ZMIZ1: variants seen among roughly 807,000 people sequenced by gnomAD.
ZMIZ1 encodes zinc finger MIZ-type containing 1.
In ZMIZ1, 17 loss-of-function variants were observed where a neutral mutation model predicts 113.9. That is an observed-to-expected ratio of 0.15 (90% CI 0.10 to 0.22). The LOEUF (loss-of-function observed/expected upper bound fraction) is 0.22. ZMIZ1 is among the 10% of genes least tolerant of loss of function. ZMIZ1 has a pLI of 1.00. For missense variants in ZMIZ1, 1,059 were observed against 1,477.8 expected, an observed-to-expected ratio of 0.72 and a Z score of 4.65; for synonymous variants, 607 against 603.1, an observed-to-expected ratio of 1.01 and a Z score of -0.09.
chr10:79,120,711 A>G (rs1844254717), intron 2 of ZMIZ1, among the ~76,000 whole-genome samples: 1 of 152,198 alleles, frequency 6.6e-6, no homozygotes, highest in South Asian at 2.1e-4. Context: ...CAGGGCTTCA[A>G]CAAATTGAAG....
chr10:79,075,894 C>G (rs1842457837), intron 1 of ZMIZ1, among the ~76,000 whole-genome samples: 1 of 152,228 alleles, frequency 6.6e-6, no homozygotes, highest in Non-Finnish European at 1.5e-5. Flanking sequence ...GATCTGTCCT[C>G]TCTCCCCGCA....
At chr10:79,104,009 A>G (rs1843465148) in intron 1 of ZMIZ1, among the ~76,000 whole-genome samples, 2 of 152,222 alleles carry the variant, frequency 1.3e-5, no homozygotes, top group Non-Finnish European at 1.5e-5. Flanking sequence ...ACTAGCAACT[A>G]TGAACTAGTC....
In ZMIZ1 at chr10:79,313,002, C is replaced by T. The variant is rs1855299832; in HGVS notation, c.*253C>T. On this transcript the variant is annotated 3_prime_UTR_variant, in exon 25 of 25. Coordinates refer to ENST00000334512, the MANE Select transcript of ZMIZ1 (RefSeq NM_020338.4). ...ACCCTTGGCTTGGGCCCATGCCCAGCGCAGGCCTGAAGACCACCCTCCCGA... is the reference window on the plus strand; with the variant it reads ...ACCCTTGGCTTGGGCCCATGCCCAGTGCAGGCCTGAAGACCACCCTCCCGA... 1.9e-5 allele frequency: 10 copies of T among 526,546 alleles called. No individual in the cohort carries two copies. The highest frequency in any genetic ancestry group is 1.2e-4 in the South Asian group (5 of 43,286). The allele number at this position is 526,546 out of a possible 1,614,324, so 32.6% of individuals were successfully genotyped here.
intron 4 of ZMIZ1, among the ~76,000 whole-genome samples, chr10:79,195,573 G>A (rs1025173972): frequency 1.3e-5 from 2 of 152,254 alleles, no homozygotes; most frequent in Admixed American, 1.3e-4. Flanking sequence ...GCCCGGAGGC[G>A]GAGGCAGCGG....
chr10:79,299,284 G>T, intron 16 of ZMIZ1, 93 bp downstream of exon 16: 2 of 1,492,690 alleles, frequency 1.3e-6, no homozygotes, highest in Non-Finnish European at 1.8e-6. Flanking sequence ...TGGGCAGGGG[G>T]TAGCAGCATC....
At chr10:79,114,506 C>CGCGT (rs1554852495) in intron 1 of ZMIZ1, among the ~76,000 whole-genome samples, 3 of 93,248 alleles carry the variant, frequency 3.2e-5, no homozygotes, top group South Asian at 8.2e-4. Context: ...TGTGTGTGTG[C>CGCGT]GTGTGTGTGT....
intron 1 of ZMIZ1, among the ~76,000 whole-genome samples, chr10:79,106,441 G>C (rs572352001): frequency 6.6e-6 from 1 of 152,264 alleles, no homozygotes; most frequent in East Asian, 1.9e-4. Flanking sequence ...CCATGGGTGT[G>C]GGAAGGAAGC....
At chr10:79,175,633 G>GTGTGTGT (rs1216136831) in intron 4 of ZMIZ1, among the ~76,000 whole-genome samples, 129 of 72,542 alleles carry the variant, frequency 1.8e-3, no homozygotes, top group Middle Eastern at 8.9e-3. Flanking sequence ...TGTGTGTGGA[G>GTGTGTGT]GTTTTTACAG....
At chr10:79,148,257 G>C (rs1254248445) in intron 3 of ZMIZ1, among the ~76,000 whole-genome samples, 2 of 152,254 alleles carry the variant, frequency 1.3e-5, no homozygotes, top group South Asian at 4.1e-4. Flanking sequence ...CAACATTCCA[G>C]GGTGGGCCCA....
chr10:79,077,918 G>A (rs1224311880), intron 1 of ZMIZ1, among the ~76,000 whole-genome samples: 3 of 152,192 alleles, frequency 2.0e-5, no homozygotes, highest in Admixed American at 6.5e-5. Flanking sequence ...CAGATGAGAC[G>A]GTGAAGTCGA....
chr10:79,097,699 T>C (rs1843219044), intron 1 of ZMIZ1, among the ~76,000 whole-genome samples: 1 of 152,138 alleles, frequency 6.6e-6, no homozygotes, highest in African/African-American at 2.4e-5. Context: ...AGAATGAGAT[T>C]TGGGGCCTTT....
At chr10:79,188,317 G>A (rs565600656) in intron 4 of ZMIZ1, among the ~76,000 whole-genome samples, 2 of 152,240 alleles carry the variant, frequency 1.3e-5, no homozygotes, top group African/African-American at 4.8e-5. Flanking sequence ...GGTCATCTCC[G>A]CCTCAGGCAG....
At chr10:79,199,850 A>C (rs977400106) in intron 4 of ZMIZ1, among the ~76,000 whole-genome samples, 2 of 152,362 alleles carry the variant, frequency 1.3e-5, no homozygotes, top group African/African-American at 4.8e-5. Flanking sequence ...AGAGCTACAC[A>C]TCCTTTAAAG....
At chr10:79,312,193 C>T (rs192401720) in intron 24 of ZMIZ1, among the ~76,000 whole-genome samples, 1 of 152,228 alleles carries the variant, frequency 6.6e-6, no homozygotes, top group African/African-American at 2.4e-5. Context: ...AGTGGCGAGC[C>T]CTTGAGAAGA....
chr10:79,224,651 GC>G (rs1849129689), intron 7 of ZMIZ1, among the ~76,000 whole-genome samples: 1 of 152,216 alleles, frequency 6.6e-6, no homozygotes, highest in African/African-American at 2.4e-5. Context: ...CCCCTATGCC[GC>G]CCCACGGCCA....
In ZMIZ1 at chr10:79,298,473, T is replaced by G. The variant is rs1854062418; in HGVS notation, c.1559T>G (p.Met520Arg). The G allele has an allele frequency of 6.2e-7, 1 of 1,604,780 alleles. No homozygotes were observed. The change falls in exon 15 of 25, where the codon ATG becomes AGG. Residue 520 changes from methionine to arginine, a missense_variant. Physicochemically the swap from Met to Arg is moderately conservative, Grantham distance 91. This residue lies in a region of ZMIZ1 where 239 missense variants were observed against 247.5 expected (regional missense o/e 0.97). Coordinates refer to ENST00000334512, the MANE Select transcript of ZMIZ1 (RefSeq NM_020338.4). ...SPVPGNPTPP[M>R]TPGSSIPPYL... Reference sequence around the variant, plus strand: ...GTTCCAGGGAACCCCACACCCCCCATGACCCCTGGGAGCAGCATCCCTCCA... The same window carrying G: ...GTTCCAGGGAACCCCACACCCCCCAGGACCCCTGGGAGCAGCATCCCTCCA...
Position 79,277,285 on chromosome 10 carries a change from C to G in ZMIZ1, c.385C>G (p.Leu129Val), listed in dbSNP as rs772612029. The G allele has an allele frequency of 3.1e-6, 5 of 1,602,144 alleles. No homozygotes were observed. Among genetic ancestry groups the G allele is most frequent in the Non-Finnish European group, 4.3e-6 (5 of 1,174,976 alleles). The change falls in exon 8 of 25, where the codon CTC (leucine) becomes GTC (valine). Residue 129 changes from leucine to valine, a missense_variant. Physicochemically the swap from Leu to Val is conservative, Grantham distance 32. Coordinates refer to ENST00000334512, the MANE Select transcript of ZMIZ1 (RefSeq NM_020338.4). ...TGGGAAACTCCCCATGCAGCCCCCT[C>G]TCAGCTCCATGAGCTCCATGAAACC... is the stretch of plus-strand genomic sequence containing the variant. ...PPGKLPMQPP[L>V]SSMSSMKPTL...
At chr10:79,229,117 A>T (rs535840080) in intron 7 of ZMIZ1, among the ~76,000 whole-genome samples, 207 of 152,332 alleles carry the variant, frequency 1.4e-3, no homozygotes, top group Non-Finnish European at 2.4e-3. Context: ...GAGCAGCAGC[A>T]ATTCTGTTTC....
chr10:79,144,319 A>G (rs948428013), intron 3 of ZMIZ1, among the ~76,000 whole-genome samples: 1 of 152,228 alleles, frequency 6.6e-6, no homozygotes, highest in Non-Finnish European at 1.5e-5. Flanking sequence ...GTCTGACTCC[A>G]GAACCCATGC....
Sources: allele counts gnomAD v4.1 joint callset (sites outside exome capture counted in the v4.1 genomes callset), GRCh38; gene constraint gnomAD v4.1.1; regional missense constraint gnomAD v4.1.1; transcripts MANE v1.5; gene names NCBI Gene and HGNC (gene_info 2026-07-23, HGNC 2026-07-21).